The following SLC4A10 variants were observed in gnomAD, a reference collection of about 807,000 sequenced individuals.
The protein encoded by SLC4A10 is solute carrier family 4 member 10, also known as sodium-driven chloride bicarbonate exchanger.
SLC4A10 carries 42 observed loss-of-function variants against 137.7 expected under a neutral mutation model. That is an observed-to-expected ratio of 0.30 (90% confidence interval 0.24 to 0.39). SLC4A10 has a LOEUF of 0.39. Ranked by LOEUF, SLC4A10 falls within the 10% of genes least tolerant of loss-of-function variation. The pLI is 1.00. For missense variants in SLC4A10, 925 were observed against 1,355.0 expected, an observed-to-expected ratio of 0.68 and a Z score of 4.98; for synonymous variants, 474 against 464.1, an observed-to-expected ratio of 1.02 and a Z score of -0.27.
intron 10 of SLC4A10, among the ~76,000 whole-genome samples, chr2:161,893,532 C>A (rs1231249114): frequency 2.0e-5 from 3 of 151,954 alleles, no homozygotes; most frequent in Admixed American, 6.6e-5. Flanking sequence ...TCTGTCTCTA[C>A]AAGAAATTTT....
intron 1 of SLC4A10, among the ~76,000 whole-genome samples, chr2:161,691,893 G>T (rs563270331): frequency 6.6e-6 from 1 of 152,064 alleles, no homozygotes; most frequent in African/African-American, 2.4e-5. Flanking sequence ...GTTTGTAAAT[G>T]GTGAATGGAC....
intron 4 of SLC4A10, among the ~76,000 whole-genome samples, chr2:161,843,681 A>C (rs1313653938): frequency 1.3e-5 from 2 of 152,176 alleles, no homozygotes; most frequent in African/African-American, 4.8e-5. Flanking sequence ...TTGTTAATTC[A>C]TGACTCCATC....
At chr2:161,787,080 A>G (rs1238408351) in intron 2 of SLC4A10, among the ~76,000 whole-genome samples, 1 of 152,078 alleles carries the variant, frequency 6.6e-6, no homozygotes, top group Non-Finnish European at 1.5e-5. Flanking sequence ...CCACGTTTAC[A>G]ACACCTTTGA....
At chr2:161,726,029 A>G (rs1383290452) in intron 1 of SLC4A10, among the ~76,000 whole-genome samples, 2 of 152,190 alleles carry the variant, frequency 1.3e-5, no homozygotes, top group African/African-American at 4.8e-5. Context: ...ATTACCTAGT[A>G]CAGATTCTGG....
chr2:161,650,345 A>AC (rs1422139637), intron 1 of SLC4A10, among the ~76,000 whole-genome samples: 1 of 152,228 alleles, frequency 6.6e-6, no homozygotes, highest in Non-Finnish European at 1.5e-5. Flanking sequence ...GTGGTGTGTT[A>AC]CATGATAATG....
chr2:161,655,817 CT>C (rs1222736703), intron 1 of SLC4A10, among the ~76,000 whole-genome samples: 356 of 142,182 alleles, frequency 2.5e-3, no homozygotes, highest in Non-Finnish European at 2.3e-3. Flanking sequence ...AAAAATTCTT[CT>C]TTTTTTTTTT....
chr2:161,964,181 C>A lies in SLC4A10; in HGVS notation c.2909C>A (p.Pro970Gln). The change falls in exon 22 of 27, where the codon CCA becomes CAA. Residue 970 changes from proline to glutamine, a missense_variant. By Grantham distance (76) the Pro-to-Gln change is moderately conservative. Coordinates refer to ENST00000446997, the MANE Select transcript of SLC4A10 (RefSeq NM_001178015.2). ...KLFWMPAKHQ[P>Q]DFIYLRHVPL... ...TTCTGGATGCCGGCAAAACATCAAC[C>A]AGATTTTATATACCTAAGGCACGTA... 6.2e-7 allele frequency: 1 copy of A among 1,612,454 alleles called. No individual in the cohort carries two copies. Among genetic ancestry groups the A allele is most frequent in the Non-Finnish European group, 8.5e-7 (1 of 1,179,116 alleles).
At chr2:161,787,684 T>C (rs2053777039) in intron 2 of SLC4A10, among the ~76,000 whole-genome samples, 1 of 152,156 alleles carries the variant, frequency 6.6e-6, no homozygotes, top group African/African-American at 2.4e-5. Flanking sequence ...GCTCTGAAAT[T>C]CTTTCTTCTA....
chr2:161,899,421 G>A (rs191552914), intron 11 of SLC4A10, among the ~76,000 whole-genome samples: 1 of 152,018 alleles, frequency 6.6e-6, no homozygotes, highest in East Asian at 1.9e-4. Flanking sequence ...ACTCCAAGAG[G>A]CTTTTGCCCC....
intron 1 of SLC4A10, among the ~76,000 whole-genome samples, chr2:161,678,683 A>G (rs2040523434): frequency 1.3e-5 from 2 of 152,062 alleles, no homozygotes; most frequent in Admixed American, 6.6e-5. Context: ...GATTAGTTTT[A>G]CCTCTTCTTG....
chr2:161,794,975 A>G (rs1459102828), intron 2 of SLC4A10, among the ~76,000 whole-genome samples: 1 of 151,732 alleles, frequency 6.6e-6, no homozygotes, highest in Non-Finnish European at 1.5e-5. Flanking sequence ...AAAAAAAAAC[A>G]TTGAAAAATG....
intron 15 of SLC4A10, among the ~76,000 whole-genome samples, chr2:161,928,615 AG>A (rs1343335484): frequency 2.0e-5 from 3 of 150,266 alleles, no homozygotes; most frequent in Non-Finnish European, 4.4e-5. Context: ...CTCTCATTCA[AG>A]AGCAAAAATA....
intron 2 of SLC4A10, among the ~76,000 whole-genome samples, chr2:161,776,151 G>A (rs927910144): frequency 6.6e-6 from 1 of 151,864 alleles, no homozygotes; most frequent in Non-Finnish European, 1.5e-5. Context: ...AGTTTCTGTT[G>A]TGGCCACACT....
chr2:161,905,133 T>C (rs1308899508), intron 14 of SLC4A10, among the ~76,000 whole-genome samples: 1 of 152,246 alleles, frequency 6.6e-6, no homozygotes, highest in African/African-American at 2.4e-5. Context: ...TAAGCATCGA[T>C]AAATCCCTTT....
intron 3 of SLC4A10, among the ~76,000 whole-genome samples, chr2:161,826,782 A>G (rs543792950): frequency 2.6e-4 from 40 of 152,296 alleles, no homozygotes; most frequent in Non-Finnish European, 5.0e-4. Context: ...AAATGGAAAT[A>G]CCTTATTTGT....
chr2:161,882,073 T>A (rs1575432089), intron 9 of SLC4A10, among the ~76,000 whole-genome samples: 1 of 151,706 alleles, frequency 6.6e-6, no homozygotes, highest in African/African-American at 2.4e-5. Context: ...ATCCTTAAAA[T>A]TCCCAATAAC....
At chr2:161,981,928 C>T (rs933634522) in intron 26 of SLC4A10, among the ~76,000 whole-genome samples, 3 of 152,072 alleles carry the variant, frequency 2.0e-5, no homozygotes, top group Non-Finnish European at 2.9e-5. Context: ...CTGATGGTGC[C>T]GGGTGGTGGT....
chr2:161,686,159 T>G (rs1395903795), intron 1 of SLC4A10, among the ~76,000 whole-genome samples: 1 of 152,174 alleles, frequency 6.6e-6, no homozygotes, highest in African/African-American at 2.4e-5. Flanking sequence ...TTGTAGCATA[T>G]ATGATACTCA....
chr2:161,907,914 A>G (rs1320373997), intron 15 of SLC4A10, among the ~76,000 whole-genome samples: 1 of 152,134 alleles, frequency 6.6e-6, no homozygotes, highest in Non-Finnish European at 1.5e-5. Flanking sequence ...AACAGGTAAA[A>G]TCAGAACTAT....
Sources: allele counts gnomAD v4.1 joint callset (sites outside exome capture counted in the v4.1 genomes callset), GRCh38; gene constraint gnomAD v4.1.1; transcripts MANE v1.5; gene names NCBI Gene and HGNC (gene_info 2026-07-23, HGNC 2026-07-21).